The following CDIN1 variants were observed in gnomAD, a reference collection of about 807,000 sequenced individuals.
CDIN1 encodes the protein CDAN1-interacting nuclease 1.
Under a neutral mutation model 45.3 loss-of-function variants are expected in CDIN1, and 33 were observed. That is an observed-to-expected ratio of 0.73 (90% CI 0.55 to 0.97). CDIN1 has a LOEUF of 0.97. Ranked by LOEUF, CDIN1 falls within the 50% of genes least tolerant of loss-of-function variation. The pLI, the probability that CDIN1 is intolerant of heterozygous loss-of-function variation, is 0.00. For missense variants in CDIN1, 303 were observed against 339.4 expected, an observed-to-expected ratio of 0.89 and a Z score of 0.84; for synonymous variants, 118 against 124.4, an observed-to-expected ratio of 0.95 and a Z score of 0.34.
chr15:36,795,737 C>G (rs2054778465), intron 10 of CDIN1, among the ~76,000 whole-genome samples: 1 of 151,830 alleles, frequency 6.6e-6, no homozygotes, highest in African/African-American at 2.4e-5. Context: ...TAGTCTCACT[C>G]TGTTGCCCAG....
chr15:36,624,983 A>C (rs1191956870), intron 1 of CDIN1, among the ~76,000 whole-genome samples: 1 of 152,154 alleles, frequency 6.6e-6, no homozygotes, highest in Non-Finnish European at 1.5e-5. Flanking sequence ...AAATGGTTTT[A>C]AAAAGTATAT....
chr15:36,735,206 A>G (rs2043973761), intron 10 of CDIN1, among the ~76,000 whole-genome samples: 1 of 152,222 alleles, frequency 6.6e-6, no homozygotes, highest in Non-Finnish European at 1.5e-5. Context: ...TACAATATAC[A>G]TATGCATTCA....
At chr15:36,698,311 T>C (rs1016000801) in intron 8 of CDIN1, among the ~76,000 whole-genome samples, 1 of 152,208 alleles carries the variant, frequency 6.6e-6, no homozygotes, top group African/African-American at 2.4e-5. Flanking sequence ...TAGAATAAAA[T>C]TGAATGTATT....
intron 1 of CDIN1, among the ~76,000 whole-genome samples, chr15:36,614,571 T>G (rs996453722): frequency 1.3e-5 from 2 of 152,230 alleles, no homozygotes; most frequent in African/African-American, 2.4e-5. Context: ...ATCTAATCCC[T>G]TTCTCACTTT....
chr15:36,594,393 A>G (rs1049660789), intron 1 of CDIN1, among the ~76,000 whole-genome samples: 2 of 152,240 alleles, frequency 1.3e-5, no homozygotes, highest in African/African-American at 4.8e-5. Context: ...TTGCCATATA[A>G]CTCTTCTGAA....
In CDIN1 at chr15:36,766,255, A is replaced by T. The variant is rs114417253; in HGVS notation, c.717-42069A>T. On this transcript the variant is annotated intron_variant, in intron 10 of 10. Coordinates refer to ENST00000566621, the MANE Select transcript of CDIN1 (RefSeq NM_001321759.2). Reference sequence around the variant, plus strand: ...AGGATTTTTTTCTTTTTTAAGCCTGAATAATATTCCACTGTATGTATGTAC... The same window carrying T: ...AGGATTTTTTTCTTTTTTAAGCCTGTATAATATTCCACTGTATGTATGTAC... 4.3e-3 allele frequency among the ~76,000 whole-genome samples: 652 copies of T among 152,260 alleles called. 4 individuals are homozygous for T. The highest frequency in any genetic ancestry group is 0.015 in the African/African-American group (623 of 41,548).
rs3743338 is a variant in CDIN1 at position 36,692,208 on chromosome 15, T to C, written c.476+33T>C. On this transcript the variant is annotated intron_variant, in intron 7 of 10. Coordinates refer to ENST00000566621, the MANE Select transcript of CDIN1 (RefSeq NM_001321759.2). ...TTCCCATAAAATTTTAGGTGCGCAA[T>C]TGACGAGCTTAGACTCAGTGGAGAT... 935,435 of 1,600,986 alleles carry C rather than the reference T, an allele frequency of 0.58. 275,647 individuals are homozygous for C. Among genetic ancestry groups the C allele is most frequent in the Admixed American group, 0.74 (43,748 of 59,294 alleles).
At chr15:36,656,739 C>T (rs2040798775) in intron 4 of CDIN1, among the ~76,000 whole-genome samples, 2 of 152,074 alleles carry the variant, frequency 1.3e-5, no homozygotes, top group African/African-American at 2.4e-5. Context: ...TAAGCAGCTT[C>T]GTGGAAAGCA....
At chr15:36,716,914 C>T (rs1000577653) in intron 10 of CDIN1, among the ~76,000 whole-genome samples, 1 of 152,294 alleles carries the variant, frequency 6.6e-6, no homozygotes, top group African/African-American at 2.4e-5. Context: ...CAGTAAACTG[C>T]AGAGGCAGCA....
At position 36,611,810 on chromosome 15, in the gene CDIN1, A is replaced by G. The variant is rs563660714; in HGVS notation, c.101+31849A>G. 5.9e-5 allele frequency among the ~76,000 whole-genome samples: 9 copies of G among 152,354 alleles called. No individual in the cohort carries two copies. In the South Asian group the frequency reaches 1.7e-3, roughly 28 times the overall value. The stretch of plus-strand genomic sequence containing the variant: ...TTTTTTTGGTGGTATCTCTAGCCCT[A>G]CACTCTGTTATTCACCAATGGTGTT... On this transcript the variant is annotated intron_variant, in intron 1 of 10. Transcript: ENST00000566621.
At chr15:36,618,524 C>A in intron 1 of CDIN1, 1 of 1,229,010 alleles carries the variant, frequency 8.1e-7, no homozygotes, top group East Asian at 2.3e-5. Flanking sequence ...GACTTACTAG[C>A]CTCAAATTTT....
At chr15:36,587,603 A>G (rs1317782672) in intron 1 of CDIN1, among the ~76,000 whole-genome samples, 1 of 152,094 alleles carries the variant, frequency 6.6e-6, no homozygotes, top group Non-Finnish European at 1.5e-5. Flanking sequence ...TGGTGCTGCC[A>G]TTGGTTATGG....
chr15:36,691,905 G>A (rs1442370738), intron 6 of CDIN1, 141 bp downstream of exon 6: 6 of 782,054 alleles, frequency 7.7e-6, no homozygotes, highest in African/African-American at 1.8e-5. Flanking sequence ...TGCAGTATTT[G>A]CGAGAAGAGC....
chr15:36,669,143 T>G (rs1204787659), intron 5 of CDIN1: 1 of 152,142 alleles, frequency 6.6e-6, no homozygotes, highest in Non-Finnish European at 1.5e-5. Context: ...CTACATAGAA[T>G]GGAGGCTGGC....
chr15:36,722,303 ATCTCTCTCTCTC>A (rs5811928), intron 10 of CDIN1, among the ~76,000 whole-genome samples: 64 of 140,544 alleles, frequency 4.6e-4, no homozygotes, highest in East Asian at 6.2e-4. Flanking sequence ...TTCTTTTGAG[ATCTCTCTCTCTC>A]TCTCTCTCTC....
chr15:36,710,851 A>G (rs1032373480), intron 10 of CDIN1, among the ~76,000 whole-genome samples: 16 of 152,266 alleles, frequency 1.1e-4, no homozygotes, highest in Non-Finnish European at 1.6e-4. Flanking sequence ...CCAGCTACAG[A>G]ATTTGGCATT....
rs554725778 is a variant in CDIN1, at chr15:36,718,659, A to G, written c.716+8698A>G. Among the ~76,000 whole-genome samples, 6 of 152,190 alleles carry G rather than the reference A, an allele frequency of 3.9e-5. No individual in the cohort carries two copies. The East Asian group carries it at 1.2e-3, about 29-fold the overall frequency. ...GTTTCCATTTGTTCATTGCTACTAT[A>G]GAGGAATACAATTGATTTTGTATTT... On this transcript the variant is annotated intron_variant, in intron 10 of 10. Transcript: ENST00000566621.
intron 10 of CDIN1, among the ~76,000 whole-genome samples, chr15:36,735,024 G>C (rs1054444612): frequency 6.6e-6 from 1 of 152,088 alleles, no homozygotes; most frequent in Non-Finnish European, 1.5e-5. Context: ...CCATTAACTT[G>C]AGTTTCTCAG....
At chr15:36,656,874 G>A (rs1002910155) in intron 4 of CDIN1, among the ~76,000 whole-genome samples, 3 of 152,056 alleles carry the variant, frequency 2.0e-5, no homozygotes, top group African/African-American at 7.2e-5. Flanking sequence ...GTATGAATAC[G>A]GGACTTGAAA....
Sources: allele counts gnomAD v4.1 joint callset (sites outside exome capture counted in the v4.1 genomes callset), GRCh38; gene constraint gnomAD v4.1.1; transcripts MANE v1.5; gene names NCBI Gene and HGNC (gene_info 2026-07-23, HGNC 2026-07-21).